The following MMP26 variants were observed in gnomAD, a reference collection of about 807,000 sequenced individuals.
MMP26 encodes the protein matrix metallopeptidase 26.
In MMP26, 33 loss-of-function variants were observed where a neutral mutation model predicts 31.0. The ratio of observed to expected loss-of-function variants is 1.06; its 90% CI spans 0.81 to 1.42. The LOEUF is 1.42. Ranked by LOEUF, MMP26 falls within the 40% of genes most tolerant of loss-of-function variation. MMP26 has a pLI of 0.00. For missense variants in MMP26, 347 were observed against 316.1 expected (o/e 1.10, Z -0.74); for synonymous variants, 122 against 114.9 (o/e 1.06, Z -0.40).
intron 2 of MMP26, among the ~76,000 whole-genome samples, chr11:4,792,711 G>A (rs1589902046): frequency 1.3e-5 from 2 of 151,530 alleles, no homozygotes; most frequent in East Asian, 1.9e-4. Context: ...GGTAGAACAT[G>A]AACTTCTGTT....
intron 2 of MMP26, among the ~76,000 whole-genome samples, chr11:4,850,902 T>C (rs1849966783): frequency 6.7e-6 from 1 of 149,322 alleles, no homozygotes; most frequent in Non-Finnish European, 1.5e-5. Flanking sequence ...TTATAAAATA[T>C]TATGTTAAAT....
In MMP26 at chr11:4,804,917, C is replaced by T. The variant is rs1055291890; in HGVS notation, c.-145+37576C>T. Among the ~76,000 whole-genome samples, 86 of 150,530 alleles carry T rather than the reference C, an allele frequency of 5.7e-4. 1 individual carries two copies. The highest frequency in any genetic ancestry group is 2.1e-3 in the African/African-American group (84 of 40,892). ...CCCAGGAGTTGGACGTTGCAGTGAG[C>T]TGAGCTCACACCACTGCACTCCAGC... On this transcript the variant is annotated intron_variant, in intron 2 of 7. Coordinates refer to ENST00000380390, the MANE Select transcript of MMP26 (RefSeq NM_021801.5).
At chr11:4,749,485 A>G (rs1419571035) in intron 1 of MMP26, among the ~76,000 whole-genome samples, 1 of 152,106 alleles carries the variant, frequency 6.6e-6, no homozygotes, top group Non-Finnish European at 1.5e-5. Flanking sequence ...TCCTAAGCAA[A>G]AAGAACAAAG....
chr11:4,784,458 T>C (rs1335488457), intron 2 of MMP26, among the ~76,000 whole-genome samples: 2 of 152,232 alleles, frequency 1.3e-5, no homozygotes, highest in Non-Finnish European at 2.9e-5. Context: ...ATTATGGTAA[T>C]GATCACAAGA....
At chr11:4,841,960 C>G (rs1245382465) in intron 2 of MMP26, among the ~76,000 whole-genome samples, 3 of 152,038 alleles carry the variant, frequency 2.0e-5, no homozygotes, top group Non-Finnish European at 4.4e-5. Flanking sequence ...TCTGAAAGAA[C>G]AGGACATTAA....
intron 2 of MMP26, chr11:4,803,994 G>C: frequency 6.2e-7 from 1 of 1,613,856 alleles, no homozygotes; most frequent in Non-Finnish European, 8.5e-7. Flanking sequence ...GTGGGAAGCA[G>C]ATAGCCACGT....
intron 2 of MMP26, among the ~76,000 whole-genome samples, chr11:4,935,210 A>C (rs1408898125): frequency 1.3e-5 from 2 of 151,788 alleles, no homozygotes; most frequent in African/African-American, 4.8e-5. Context: ...ACCCATGAGC[A>C]TGGAATGTTC....
intron 1 of MMP26, among the ~76,000 whole-genome samples, chr11:4,729,998 T>TTTTTTTTTTTTTTTTTTTTTTTGAGAC (rs1372068573): frequency 1.3e-5 from 2 of 151,802 alleles, no homozygotes; most frequent in Non-Finnish European, 2.9e-5. Flanking sequence ...CCCTCATTTT[T>TTTTTTTTTTTTTTTTTTTTTTTGAGAC]GTAGCTGGTC....
chr11:4,773,036 A>G (rs980234019), intron 2 of MMP26, among the ~76,000 whole-genome samples: 14 of 152,220 alleles, frequency 9.2e-5, no homozygotes, highest in African/African-American at 3.4e-4. Flanking sequence ...TAATCAAATC[A>G]TTTTATAAGT....
At chr11:4,720,871 T>C (rs1848001888) in intron 1 of MMP26, among the ~76,000 whole-genome samples, 1 of 152,180 alleles carries the variant, frequency 6.6e-6, no homozygotes, top group Non-Finnish European at 1.5e-5. Context: ...GGTCCCTGAA[T>C]ACAGCCCACT....
At chr11:4,737,709 A>T (rs1848260315) in intron 1 of MMP26, among the ~76,000 whole-genome samples, 1 of 146,088 alleles carries the variant, frequency 6.8e-6, no homozygotes, top group African/African-American at 2.7e-5. Context: ...GTCCCCTTTC[A>T]CTTTGACCCT....
chr11:4,968,003 A>ATT (rs1224909354), intron 2 of MMP26, among the ~76,000 whole-genome samples: 1 of 152,134 alleles, frequency 6.6e-6, no homozygotes. Flanking sequence ...ATTATTCTTT[A>ATT]TGAGTTCATT....
chr11:4,848,119 A>G, intron 2 of MMP26: 4 of 1,051,774 alleles, frequency 3.8e-6, no homozygotes, highest in Non-Finnish European at 5.5e-6. Flanking sequence ...AGGAAGCTAC[A>G]TGCACATATA....
intron 2 of MMP26, among the ~76,000 whole-genome samples, chr11:4,937,030 GA>G (rs1283574108): frequency 4.6e-5 from 7 of 152,158 alleles, no homozygotes; most frequent in African/African-American, 1.7e-4. Flanking sequence ...AGAAAAGCAG[GA>G]GAATACTTTT....
At chr11:4,758,466 G>GAAAAAAAAAAAAAAAAAA in intron 1 of MMP26, among the ~76,000 whole-genome samples, 1 of 93,344 alleles carries the variant, frequency 1.1e-5, no homozygotes, top group Non-Finnish European at 2.3e-5. Flanking sequence ...CATCCATTTG[G>GAAAAAAAAAAAAAAAAAA]AAAAAAAAAA....
intron 3 of MMP26, among the ~76,000 whole-genome samples, chr11:4,989,266 G>A (rs564868317): frequency 4.6e-4 from 70 of 152,260 alleles, no homozygotes; most frequent in African/African-American, 1.6e-3. Context: ...TTATGTCCTG[G>A]AGTGATTGAT....
intron 1 of MMP26, among the ~76,000 whole-genome samples, chr11:4,760,231 C>A (rs1006310787): frequency 2.0e-5 from 3 of 152,116 alleles, no homozygotes; most frequent in Non-Finnish European, 4.4e-5. Context: ...CATAGAATGA[C>A]AAAATGATAT....
intron 2 of MMP26, among the ~76,000 whole-genome samples, chr11:4,898,681 C>G (rs1207723646): frequency 6.6e-6 from 1 of 152,080 alleles, no homozygotes; most frequent in Non-Finnish European, 1.5e-5. Flanking sequence ...TCAAAAGTGT[C>G]CATAGGTATG....
chr11:4,856,215 A>G (rs1433524096), intron 2 of MMP26, among the ~76,000 whole-genome samples: 1 of 152,242 alleles, frequency 6.6e-6, no homozygotes, highest in East Asian at 1.9e-4. Context: ...AAATTCACAC[A>G]TAACAATATT....
Sources: gnomAD v4.1 joint callset for allele counts (sites outside exome capture counted in the v4.1 genomes callset) on GRCh38, gnomAD v4.1.1 for gene constraint, MANE v1.5 for transcripts, NCBI Gene and HGNC (gene_info 2026-07-23, HGNC 2026-07-21) for gene names.